The following MRE11 variants were observed in gnomAD, a reference collection of about 807,000 sequenced individuals.
MRE11 encodes the protein double-strand break repair protein MRE11.
Under a neutral mutation model 91.7 loss-of-function variants are expected in MRE11, and 62 were observed. The ratio of observed to expected loss-of-function variants is 0.68; its 90% CI spans 0.55 to 0.84. The LOEUF is 0.84. MRE11 is among the 40% of genes least tolerant of loss of function. The pLI is 0.00. For missense variants in MRE11, 796 were observed against 852.9 expected (o/e 0.93, Z 0.83); for synonymous variants, 273 against 271.4 (o/e 1.01, Z -0.06).
Position 94,455,623 on chromosome 11 carries a change from A to T in MRE11, c.1563+653T>A, listed in dbSNP as rs151077973. Among the ~76,000 whole-genome samples the T allele has an allele frequency of 7.2e-5, 11 of 152,336 alleles. No homozygotes were observed. The East Asian group carries it at 2.1e-3, about 29-fold the overall frequency. ...AACTTGTAGATTCAAACCTGCAATG[A>T]GACTGAGAAGACAGTGATGATGGTG... is the stretch of plus-strand genomic sequence containing the variant. On this transcript the variant is annotated intron_variant, in intron 14 of 19. Coordinates refer to ENST00000323929, the MANE Select transcript of MRE11 (RefSeq NM_005591.4).
intron 4 of MRE11, among the ~76,000 whole-genome samples, chr11:94,482,398 A>T (rs1433398157): frequency 6.6e-6 from 1 of 152,152 alleles, no homozygotes. Flanking sequence ...CTAGCAACTC[A>T]CCTAACAGTA....
In MRE11 at chr11:94,476,376, C is replaced by T. The variant is rs746932208; in HGVS notation, c.572G>A (p.Arg191Gln). The change falls in exon 7 of 20, where the codon CGA becomes CAA. Residue 191 changes from arginine to glutamine, a missense_variant. Transcript: ENST00000323929. Reference sequence around the variant, plus strand: ...TGTTACTTTTTTATTGACAAACATTCGATAGAGCCTTTCATCTGGAATGGA... The same window carrying T: ...TGTTACTTTTTTATTGACAAACATTTGATAGAGCCTTTCATCTGGAATGGA... ...LGSIPDERLY[R>Q]MFVNKKVTML... is the part of the protein sequence containing the mutation. 8 of 1,611,860 alleles carry T rather than the reference C, an allele frequency of 5.0e-6. No individual in the cohort carries two copies. The highest frequency in any genetic ancestry group is 2.2e-5 in the East Asian group (1 of 44,788).
At chr11:94,479,969 G>T (rs1946972907) in intron 4 of MRE11, among the ~76,000 whole-genome samples, 1 of 152,118 alleles carries the variant, frequency 6.6e-6, no homozygotes, top group Admixed American at 6.5e-5. Context: ...ACATTTTAAA[G>T]AAACCCCAAC....
chr11:94,447,305 G>A lies in MRE11; in HGVS notation c.1697C>T (p.Thr566Ile). The A allele has an allele frequency of 6.2e-7, 1 of 1,613,886 alleles. No homozygotes were observed. The highest frequency in any genetic ancestry group is 8.5e-7 in the Non-Finnish European group (1 of 1,180,002). ...TCTTCCTCGGCCTCTTCCTTTGTTG[G>A]TTGCTGCTGAGATGCTATCATCAGA... ...NDSDDSISAA[T>I]NKGRGRGRGR... Residue 566 changes from threonine (T) to isoleucine (I), a missense_variant, in exon 15 of 20, where the codon ACC becomes ATC. By Grantham distance (89) the Thr-to-Ile change is moderately conservative. Coordinates refer to ENST00000323929, the MANE Select transcript of MRE11 (RefSeq NM_005591.4).
intron 17 of MRE11, 91 bp downstream of exon 17, chr11:94,437,086 C>T: frequency 2.6e-6 from 3 of 1,159,862 alleles, no homozygotes; most frequent in Non-Finnish European, 3.7e-6. Context: ...AATTTTTCTT[C>T]TTTTATTTAC....
At position 94,457,777 on chromosome 11, in the gene MRE11, T is replaced by A. The variant is rs532539168; in HGVS notation, c.1501-1439A>T. Reference sequence around the variant, plus strand: ...GGATAGGTGGGTTTAGATAACTCAATGATGGGTACACAGCTAATAAGGGTT... The same window carrying A: ...GGATAGGTGGGTTTAGATAACTCAAAGATGGGTACACAGCTAATAAGGGTT... On this transcript the variant is annotated intron_variant, in intron 13 of 19. Coordinates refer to ENST00000323929, the MANE Select transcript of MRE11 (RefSeq NM_005591.4). 6.6e-5 allele frequency among the ~76,000 whole-genome samples: 10 copies of A among 152,168 alleles called. No homozygotes were observed. In the East Asian group the frequency reaches 1.9e-3, roughly 29 times the overall value.
At chr11:94,448,382 GC>G (rs1946003297) in intron 14 of MRE11, among the ~76,000 whole-genome samples, 1 of 151,826 alleles carries the variant, frequency 6.6e-6, no homozygotes, top group African/African-American at 2.4e-5. Context: ...TTAGGGACCA[GC>G]CTGGGCAACA....
chr11:94,420,269 TGA>T (rs1945136057), intron 19 of MRE11, 88 bp from the exon 20 acceptor site: 3 of 1,011,558 alleles, frequency 3.0e-6, no homozygotes, highest in African/African-American at 3.2e-5. Flanking sequence ...ACAATACCAG[TGA>T]GAGTCATTTC....
chr11:94,419,945 C>T lies in MRE11; in HGVS notation c.*180G>A, dbSNP rs1945125026. 3 of 491,906 alleles carry T rather than the reference C, an allele frequency of 6.1e-6. No homozygotes were observed. The South Asian group carries it at 8.3e-5, about 14-fold the overall frequency. 30.5% of individuals were successfully genotyped at this position (491,906 alleles called of 1,614,324 possible). A position where few individuals can be genotyped will look rare whatever the true frequency, so the allele number is the denominator to read the frequency against. Reference sequence around the variant, plus strand: ...TGATATTGAAACAAAGCTCTTACTACAACAACCAGGTTAAAAAAACAAGGT... The same window carrying T: ...TGATATTGAAACAAAGCTCTTACTATAACAACCAGGTTAAAAAAACAAGGT... On this transcript the variant is annotated 3_prime_UTR_variant, in exon 20 of 20. Transcript: ENST00000323929.
intron 13 of MRE11, 96 bp downstream of exon 13, chr11:94,459,310 CAG>C: frequency 8.1e-7 from 1 of 1,236,080 alleles, no homozygotes; most frequent in Non-Finnish European, 1.2e-6. Context: ...CTAAACAAAT[CAG>C]AGAGGTTAAA....
the MRE11 span, among the ~76,000 whole-genome samples, chr11:94,503,048 A>C: frequency 6.6e-6 from 1 of 152,172 alleles, no homozygotes; most frequent in African/African-American, 2.4e-5. Context: ...TTATTGTGTG[A>C]AGAACACTTA....
chr11:94,466,984 T>C (rs1946581704), intron 10 of MRE11, among the ~76,000 whole-genome samples: 2 of 152,154 alleles, frequency 1.3e-5, no homozygotes, highest in South Asian at 2.1e-4. Flanking sequence ...ACGGGACGGA[T>C]ACAAATAACT....
chr11:94,507,146 T>C, the MRE11 span, among the ~76,000 whole-genome samples: 1 of 152,206 alleles, frequency 6.6e-6, no homozygotes, highest in African/African-American at 2.4e-5. Flanking sequence ...GTGCTTCCAC[T>C]CAGTGTTCCC....
rs1296066301 is a variant in MRE11, at chr11:94,417,664, G to C, written c.*2461C>G. ...GAGAAAACAATATAATGGGCATCCAGGACACTGCGCTATTTCTTGACCTGT... is the reference window on the plus strand; with the variant it reads ...GAGAAAACAATATAATGGGCATCCACGACACTGCGCTATTTCTTGACCTGT... On this transcript the variant is annotated 3_prime_UTR_variant, in exon 20 of 20. Coordinates refer to ENST00000323929, the MANE Select transcript of MRE11 (RefSeq NM_005591.4). The C allele has an allele frequency of 4.3e-6, 1 of 232,962 alleles. No homozygotes were observed. The allele number at this position is 232,962 out of a possible 1,614,324, so 14.4% of individuals were successfully genotyped here. A position where few individuals can be genotyped will look rare whatever the true frequency, so the allele number is the denominator to read the frequency against.
intron 10 of MRE11, among the ~76,000 whole-genome samples, chr11:94,467,223 A>G (rs12788248): frequency 0.046 from 7,043 of 152,258 alleles, 408 homozygotes; most frequent in African/African-American, 0.13. Context: ...GTAAAGAAGA[A>G]GTCTGTTGTT....
intron 14 of MRE11, 129 bp from the exon 15 acceptor site, chr11:94,447,567 G>C (rs1300180647): frequency 1.1e-6 from 1 of 931,580 alleles, no homozygotes; most frequent in African/African-American, 1.7e-5. Context: ...AGTGGCTCAC[G>C]CCTGTAATCT....
rs750746838 is a variant in MRE11 at position 94,429,951 on chromosome 11, T to C, written c.2030A>G (p.Gln677Arg). Residue 677 changes from glutamine (Q) to arginine (R), a missense_variant, in exon 19 of 20, where the codon CAG (glutamine) becomes CGG (arginine). By Grantham distance (43) the Gln-to-Arg change is conservative. Transcript: ENST00000323929. ...SSTSSSKIMS[Q>R]SQVSKGVDFE... is the part of the protein sequence containing the mutation. ...ATCAACCCCTTTCGATACTTGACTCTGGGACATGATTTTGCTGGATGATGT... is the reference window on the plus strand; with the variant it reads ...ATCAACCCCTTTCGATACTTGACTCCGGGACATGATTTTGCTGGATGATGT... The C allele has an allele frequency of 6.2e-7, 1 of 1,614,108 alleles. No homozygotes were observed. Among genetic ancestry groups the C allele is most frequent in the Non-Finnish European group, 8.5e-7 (1 of 1,180,018 alleles).
At chr11:94,425,437 T>A (rs1007643261) in intron 19 of MRE11, among the ~76,000 whole-genome samples, 39 of 152,148 alleles carry the variant, frequency 2.6e-4, no homozygotes, top group African/African-American at 8.9e-4. Flanking sequence ...AGCAACTACA[T>A]AATCAAGTCT....
intron 3 of MRE11, 104 bp downstream of exon 3, chr11:94,490,729 G>C: frequency 7.5e-7 from 1 of 1,330,422 alleles, no homozygotes. Flanking sequence ...AGCAGGCAAG[G>C]TAAGCACCTG....
Sources: gnomAD v4.1 joint callset for allele counts (sites outside exome capture counted in the v4.1 genomes callset) on GRCh38, gnomAD v4.1.1 for gene constraint, MANE v1.5 for transcripts, NCBI Gene and HGNC (gene_info 2026-07-23, HGNC 2026-07-21) for gene names.